RBFOX1: variants seen among roughly 807,000 people sequenced by gnomAD.
RBFOX1 encodes RNA binding fox-1 homolog 1, also known as RNA binding protein fox-1 homolog 1.
In RBFOX1, 8 loss-of-function variants were observed where a neutral mutation model predicts 57.7. That is an observed-to-expected ratio of 0.14 (90% CI 0.08 to 0.25). The LOEUF (loss-of-function observed/expected upper bound fraction) is 0.25. Among genes scored for constraint, RBFOX1 ranks in the 10% least tolerant of loss-of-function variants. RBFOX1 has a pLI of 1.00. For synonymous variants in RBFOX1, 326 were observed against 222.4 expected (o/e 1.47, Z -4.15); for missense variants, 611 against 548.5 (o/e 1.11, Z -1.14).
At chr16:6,360,903 GC>G (rs1262658327) in intron 2 of RBFOX1, among the ~76,000 whole-genome samples, 1 of 152,018 alleles carries the variant, frequency 6.6e-6, no homozygotes, top group Non-Finnish European at 1.5e-5. Context: ...CATTGTTTGA[GC>G]CGAAGACCGT....
At chr16:6,693,314 C>CA (rs1372461350) in intron 3 of RBFOX1, among the ~76,000 whole-genome samples, 1 of 151,678 alleles carries the variant, frequency 6.6e-6, no homozygotes, top group Non-Finnish European at 1.5e-5. Flanking sequence ...CCACTACCAA[C>CA]ACCACCATCA....
At chr16:6,057,675 G>T (rs1393892328) in intron 1 of RBFOX1, among the ~76,000 whole-genome samples, 1 of 152,118 alleles carries the variant, frequency 6.6e-6, no homozygotes, top group Non-Finnish European at 1.5e-5. Flanking sequence ...TTTTGGGAGA[G>T]ATGAGAGTTT....
At chr16:7,308,911 T>G (rs2096251892) in intron 4 of RBFOX1, among the ~76,000 whole-genome samples, 1 of 152,222 alleles carries the variant, frequency 6.6e-6, no homozygotes, top group Non-Finnish European at 1.5e-5. Context: ...TTACTCCATC[T>G]GATGATTTAT....
intron 4 of RBFOX1, among the ~76,000 whole-genome samples, chr16:7,363,508 A>G (rs868393644): frequency 1.1e-4 from 17 of 152,010 alleles, no homozygotes; most frequent in African/African-American, 4.1e-4. Flanking sequence ...AAAAAAAATA[A>G]GTAAAGGCCG....
intron 4 of RBFOX1, among the ~76,000 whole-genome samples, chr16:7,401,775 C>G (rs931058738): frequency 1.3e-5 from 2 of 152,178 alleles, no homozygotes; most frequent in African/African-American, 2.4e-5. Flanking sequence ...TGGCACAACT[C>G]AGGAGATGTC....
intron 1 of RBFOX1, among the ~76,000 whole-genome samples, chr16:5,251,340 T>C (rs1335761059): frequency 2.0e-5 from 3 of 152,278 alleles, no homozygotes; most frequent in African/African-American, 7.2e-5. Flanking sequence ...GTGAGATCAC[T>C]GTTGACAGCA....
At chr16:6,556,145 C>A (rs1202626153) in intron 2 of RBFOX1, among the ~76,000 whole-genome samples, 5 of 152,194 alleles carry the variant, frequency 3.3e-5, no homozygotes, top group South Asian at 4.2e-4. Context: ...CATAAAAGAC[C>A]AGTAATAAAC....
rs1332712609 is a variant in RBFOX1, at chr16:5,706,134, C to T, written c.318+107173C>T. Among the ~76,000 whole-genome samples, 3 of 152,202 alleles carry T rather than the reference C, an allele frequency of 2.0e-5. No homozygotes were observed. The East Asian group carries it at 5.8e-4, about 29-fold the overall frequency. On this transcript the variant is annotated intron_variant, in intron 3 of 19. Coordinates refer to the RBFOX1 transcript ENST00000641259. ...CCATGTTGGCCAGGATGGTCTTGAA[C>T]TCCTGACCTCAACTGATCTGCCAGC...
At chr16:7,560,651 C>T (rs1188059171) in intron 5 of RBFOX1, among the ~76,000 whole-genome samples, 2 of 151,888 alleles carry the variant, frequency 1.3e-5, no homozygotes, top group Non-Finnish European at 2.9e-5. Context: ...CTTCCTTTTT[C>T]ATAAATTGAG....
At chr16:6,651,012 C>T (rs909776045) in intron 2 of RBFOX1, among the ~76,000 whole-genome samples, 1 of 152,214 alleles carries the variant, frequency 6.6e-6, no homozygotes, top group Non-Finnish European at 1.5e-5. Flanking sequence ...AAGTGATTCT[C>T]TTGTCTCAGC....
intron 4 of RBFOX1, among the ~76,000 whole-genome samples, chr16:7,352,026 G>C (rs1166814824): frequency 2.6e-5 from 4 of 152,148 alleles, no homozygotes; most frequent in Non-Finnish European, 5.9e-5. Flanking sequence ...TTCTTGACTT[G>C]GGGTGGCTGA....
At chr16:5,310,651 G>T (rs1348649846) in intron 1 of RBFOX1, among the ~76,000 whole-genome samples, 1 of 152,178 alleles carries the variant, frequency 6.6e-6, no homozygotes, top group Non-Finnish European at 1.5e-5. Flanking sequence ...TGAACAACTT[G>T]AACAGGAGGG....
chr16:7,710,074 T>A, intron 15 of RBFOX1: 1 of 1,000,582 alleles, frequency 1.0e-6, no homozygotes, highest in South Asian at 4.5e-5. Flanking sequence ...TCAGCCATGA[T>A]TTGGAAGCAT....
chr16:6,655,924 G>A (rs1011476049), intron 3 of RBFOX1, among the ~76,000 whole-genome samples: 2 of 152,192 alleles, frequency 1.3e-5, no homozygotes, highest in African/African-American at 2.4e-5. Flanking sequence ...ATAAAAAGCA[G>A]TTGCCACACA....
At chr16:7,061,624 C>A (rs2054308314) in intron 4 of RBFOX1, among the ~76,000 whole-genome samples, 1 of 152,198 alleles carries the variant, frequency 6.6e-6, no homozygotes, top group Admixed American at 6.5e-5. Context: ...TTCTCCCTTT[C>A]CCTTGCTTTA....
At chr16:6,507,217 A>G (rs879303746) in intron 2 of RBFOX1, among the ~76,000 whole-genome samples, 3 of 152,148 alleles carry the variant, frequency 2.0e-5, no homozygotes, top group Non-Finnish European at 4.4e-5. Context: ...CCTCCAATCC[A>G]TTATACACAT....
At chr16:6,057,427 C>T (rs2095628048) in intron 1 of RBFOX1, among the ~76,000 whole-genome samples, 1 of 152,130 alleles carries the variant, frequency 6.6e-6, no homozygotes, top group South Asian at 2.1e-4. Context: ...CTTCTCCCCA[C>T]TGCTTATGCC....
chr16:7,548,272 C>T (rs544639849), intron 5 of RBFOX1, among the ~76,000 whole-genome samples: 47 of 152,150 alleles, frequency 3.1e-4, no homozygotes, highest in Admixed American at 9.8e-4. Context: ...CCTGGGTTCA[C>T]GTGCCTCCTG....
Position 7,120,694 on chromosome 16 carries a change from GAAA to G in RBFOX1, c.27+68609_27+68611del, listed in dbSNP as rs35456614. Among the ~76,000 whole-genome samples, 10 of 135,966 alleles carry G rather than the reference GAAA, an allele frequency of 7.4e-5. No homozygotes were observed. The South Asian group carries it at 9.1e-4, about 12-fold the overall frequency. The allele number at this position is 135,966 out of a possible 152,430, so 89.2% of individuals were successfully genotyped here. A position where few individuals can be genotyped will look rare whatever the true frequency, so the allele number is the denominator to read the frequency against. On this transcript the variant is annotated intron_variant, in intron 4 of 15. Transcript: ENST00000550418. ...TATTCCACCAAACATTTAATGTTGG[GAAA>G]AAAAAAAAAAAACTATACACAGTCT... is the stretch of plus-strand genomic sequence containing the variant.
Sources: allele counts gnomAD v4.1 joint callset (sites outside exome capture counted in the v4.1 genomes callset), GRCh38; gene constraint gnomAD v4.1.1; transcripts MANE v1.5; gene names NCBI Gene and HGNC (gene_info 2026-07-23, HGNC 2026-07-21).